The following ZNF676 variants were observed in gnomAD, a reference collection of about 807,000 sequenced individuals.
ZNF676 encodes the protein zinc finger protein 676.
In ZNF676, 4 loss-of-function variants were observed where a neutral mutation model predicts 6.0. The ratio of observed to expected loss-of-function variants is 0.67; its 90% CI spans 0.33 to 1.53. The LOEUF (loss-of-function observed/expected upper bound fraction) is 1.53, where lower values mean the gene tolerates loss of function less well. ZNF676 is among the 40% of genes most tolerant of loss of function. The probability of loss-of-function intolerance (pLI) is 0.06; values close to 1 mark genes in which losing one functional copy is unlikely to be tolerated. For missense variants in ZNF676, 644 were observed against 679.7 expected (o/e 0.95, Z 0.58); for synonymous variants, 198 against 223.1 (o/e 0.89, Z 1.00).
upstream of ZNF676, among the ~76,000 whole-genome samples, chr19:22,200,513 C>CA (rs2144786472): frequency 1.1e-5 from 1 of 90,944 alleles, no homozygotes; most frequent in East Asian, 3.7e-4. Flanking sequence ...ACTGCTTCAT[C>CA]AATTTTTTTT....
upstream of ZNF676, among the ~76,000 whole-genome samples, chr19:22,220,353 T>G (rs1413518078): frequency 6.6e-6 from 1 of 152,158 alleles, no homozygotes; most frequent in Admixed American, 6.5e-5. Flanking sequence ...AAGGATTCCC[T>G]TTTTCTCTAT....
At chr19:22,235,089 GCAGGAAGAAGGAAGT>G in the ZNF676 span, among the ~76,000 whole-genome samples, 1 of 146,164 alleles carries the variant, frequency 6.8e-6, no homozygotes, top group East Asian at 2.0e-4. Flanking sequence ...AGGCAGGAAG[GCAGGAAGAAGGAAGT>G]CAGGAAGGCA....
chr19:22,259,619 A>C, the ZNF676 span: 1 of 152,152 alleles, frequency 6.6e-6, no homozygotes, highest in African/African-American at 2.4e-5. Context: ...GAAATATTAC[A>C]TTCTCTCCTA....
At chr19:22,253,404 G>GTATATATATA in the ZNF676 span, among the ~76,000 whole-genome samples, 18 of 97,016 alleles carry the variant, frequency 1.9e-4, 2 homozygotes, top group East Asian at 6.2e-4. Context: ...ATGATAATGT[G>GTATATATATA]TATATATATA....
At chr19:22,205,218 A>G (rs1444026353) in intron 1 of ZNF676, among the ~76,000 whole-genome samples, 2 of 152,202 alleles carry the variant, frequency 1.3e-5, no homozygotes, top group African/African-American at 4.8e-5. Context: ...ATCGGGGACT[A>G]CATCTCACAG....
Position 22,203,807 on chromosome 19 carries a change from T to A in ZNF676, c.4-7081A>T, listed in dbSNP as rs529777018. On this transcript the variant is annotated intron_variant, in intron 1 of 3. Coordinates refer to the ZNF676 transcript ENST00000650058. ...CGAGGTTTCACCATGTTGTCCAGGC[T>A]GGTCTCAAACTCCTGACCTCAGGTG... is the stretch of plus-strand genomic sequence containing the variant. 3.3e-5 allele frequency: 5 copies of A among 152,434 alleles called. No individual in the cohort carries two copies. The South Asian group carries it at 1.0e-3, about 32-fold the overall frequency. 9.4% of individuals were successfully genotyped at this position (152,434 alleles called of 1,614,324 possible).
the ZNF676 span, among the ~76,000 whole-genome samples, chr19:22,231,146 T>C: frequency 2.2e-4 from 34 of 152,064 alleles, no homozygotes; most frequent in African/African-American, 7.7e-4. Context: ...TTCTACCAGG[T>C]TAAAATGTAG....
At chr19:22,199,682 A>G (rs2024004625), upstream of ZNF676, among the ~76,000 whole-genome samples, 1 of 152,232 alleles carries the variant, frequency 6.6e-6, no homozygotes, top group Admixed American at 6.5e-5. Flanking sequence ...ACAGATGGAA[A>G]GAGCTTAATA....
the ZNF676 span, among the ~76,000 whole-genome samples, chr19:22,230,604 GTA>G: frequency 1.3e-5 from 2 of 150,614 alleles, no homozygotes; most frequent in East Asian, 2.0e-4. Flanking sequence ...ATATATATGT[GTA>G]TATATATGTA....
intron 1 of ZNF676, among the ~76,000 whole-genome samples, chr19:22,194,411 G>A (rs1177587085): frequency 6.6e-6 from 1 of 152,188 alleles, no homozygotes; most frequent in Admixed American, 6.6e-5. Context: ...TTGTCAGAAT[G>A]CAGGAACTGA....
the ZNF676 span, among the ~76,000 whole-genome samples, chr19:22,258,023 CT>C: frequency 5.3e-5 from 8 of 152,158 alleles, no homozygotes; most frequent in Admixed American, 5.2e-4. Flanking sequence ...GAAAAAAAGA[CT>C]GGCCACATCA....
intron 1 of ZNF676, among the ~76,000 whole-genome samples, chr19:22,209,872 T>C (rs1475251269): frequency 2.0e-5 from 3 of 152,232 alleles, no homozygotes; most frequent in African/African-American, 7.2e-5. Flanking sequence ...GTAGACACTT[T>C]TGTAGGTTTT....
At chr19:22,215,519 AGG>A in intron 1 of ZNF676, 1 of 1,283,102 alleles carries the variant, frequency 7.8e-7, no homozygotes, top group Non-Finnish European at 1.1e-6. Flanking sequence ...GAGCTAGGCA[AGG>A]AGAACTTGTG....
At chr19:22,223,399 T>C in the ZNF676 span, among the ~76,000 whole-genome samples, 66,599 of 151,942 alleles carry the variant, frequency 0.44, 16,241 homozygotes, top group African/African-American at 0.66. Context: ...ACCTGAATGT[T>C]TTATGTAGCT....
At chr19:22,236,100 T>C in the ZNF676 span, among the ~76,000 whole-genome samples, 2,782 of 151,908 alleles carry the variant, frequency 0.018, 83 homozygotes, top group African/African-American at 0.063. Context: ...TCCTTAATGG[T>C]GGCACTAATC....
intron 1 of ZNF676, among the ~76,000 whole-genome samples, chr19:22,207,985 A>T (rs2024092774): frequency 1.4e-5 from 2 of 148,120 alleles, no homozygotes; most frequent in South Asian, 4.2e-4. Flanking sequence ...AAAAATTATA[A>T]AAAAAAAAAA....
rs150466917 is a variant in ZNF676, at chr19:22,187,221, C to G, written c.131-5635G>C. On this transcript the variant is annotated intron_variant, in intron 2 of 2. Coordinates refer to ENST00000397121, the MANE Select transcript of ZNF676 (RefSeq NM_001001411.3). Reference sequence around the variant, plus strand: ...AGAACTCAGGATTGAGAAACTCACGCAAAACCGTACAATTACATGGAAAAT... The same window carrying G: ...AGAACTCAGGATTGAGAAACTCACGGAAAACCGTACAATTACATGGAAAAT... 5.1e-3 allele frequency among the ~76,000 whole-genome samples: 773 copies of G among 152,242 alleles called. 8 individuals carry two copies. The highest frequency in any genetic ancestry group is 0.017 in the African/African-American group (696 of 41,526).
chr19:22,195,074 G>A (rs1174018799), intron 1 of ZNF676, among the ~76,000 whole-genome samples: 10 of 152,156 alleles, frequency 6.6e-5, no homozygotes, highest in Non-Finnish European at 2.9e-5. Context: ...AATGTCACAA[G>A]ATCTTTGGGT....
chr19:22,210,924 T>C (rs1365551322), intron 1 of ZNF676, among the ~76,000 whole-genome samples: 1 of 152,166 alleles, frequency 6.6e-6, no homozygotes, highest in Non-Finnish European at 1.5e-5. Context: ...GGGTAAAACA[T>C]TCTCTGATCT....
Sources: allele counts gnomAD v4.1 joint callset (sites outside exome capture counted in the v4.1 genomes callset), GRCh38; gene constraint gnomAD v4.1.1; transcripts MANE v1.5; gene names NCBI Gene and HGNC (gene_info 2026-07-23, HGNC 2026-07-21).